Variants in TIAM1 observed in about 807,000 individuals in gnomAD.
TIAM1 encodes rho guanine nucleotide exchange factor TIAM1.
In TIAM1, 65 loss-of-function variants were observed where a neutral mutation model predicts 163.5. That is an observed-to-expected ratio of 0.40 (90% CI 0.33 to 0.49). TIAM1 has a LOEUF of 0.49. Ranked by LOEUF, TIAM1 falls within the 20% of genes least tolerant of loss-of-function variation. The pLI is 0.77. For synonymous variants in TIAM1, 833 were observed against 810.1 expected (o/e 1.03, Z -0.48); for missense variants, 1,789 against 2,044.7 (o/e 0.87, Z 2.41).
At chr21:31,362,909 A>G (rs781118390) in intron 2 of TIAM1, among the ~76,000 whole-genome samples, 3 of 151,964 alleles carry the variant, frequency 2.0e-5, no homozygotes, top group Admixed American at 2.0e-4. Context: ...GAGTTCTCTG[A>G]TGGGTATTTT....
chr21:31,537,727 G>A (rs1041324212), intron 1 of TIAM1, among the ~76,000 whole-genome samples: 5 of 151,810 alleles, frequency 3.3e-5, no homozygotes, highest in Non-Finnish European at 5.9e-5. Flanking sequence ...ACTCCAGCCT[G>A]GGCAACAGAG....
chr21:31,333,443 T>C (rs1371772893), intron 2 of TIAM1, among the ~76,000 whole-genome samples: 2 of 152,196 alleles, frequency 1.3e-5, no homozygotes, highest in African/African-American at 4.8e-5. Flanking sequence ...ACTCTCTTTT[T>C]GTTTTTTCTT....
intron 1 of TIAM1, among the ~76,000 whole-genome samples, chr21:31,553,622 G>A (rs1369820155): frequency 2.0e-5 from 3 of 152,164 alleles, no homozygotes; most frequent in African/African-American, 7.2e-5. Context: ...AGAGGGTTGG[G>A]TTGATAGAGA....
intron 4 of TIAM1, among the ~76,000 whole-genome samples, chr21:31,261,921 T>G (rs960350729): frequency 6.6e-6 from 1 of 152,112 alleles, no homozygotes; most frequent in Non-Finnish European, 1.5e-5. Context: ...CAGTACAACC[T>G]GGCCGTGTTC....
chr21:31,304,644 C>T (rs1601894099), intron 2 of TIAM1, among the ~76,000 whole-genome samples: 1 of 152,158 alleles, frequency 6.6e-6, no homozygotes, highest in South Asian at 2.1e-4. Context: ...CTTAGTAAAT[C>T]CTGACAACAG....
Position 31,219,486 on chromosome 21 carries a change from C to G in TIAM1, c.1996-1787G>C, listed in dbSNP as rs117490342. ...GCAGGGGATGAGGCACTGTTGGTAACATGAGGGGCCTCCCCAGCAGTCAGC... is the reference window on the plus strand; with the variant it reads ...GCAGGGGATGAGGCACTGTTGGTAAGATGAGGGGCCTCCCCAGCAGTCAGC... On this transcript the variant is annotated intron_variant, in intron 8 of 27. Transcript: ENST00000541036. Among the ~76,000 whole-genome samples, 693 of 152,318 alleles carry G rather than the reference C, an allele frequency of 4.5e-3. 2 individuals carry two copies. The highest frequency in any genetic ancestry group is 8.1e-3 in the Non-Finnish European group (548 of 68,038).
intron 2 of TIAM1, among the ~76,000 whole-genome samples, chr21:31,315,788 T>C (rs2075101842): frequency 1.3e-5 from 2 of 151,150 alleles, no homozygotes; most frequent in Non-Finnish European, 2.9e-5. Context: ...GAGGCCATCC[T>C]GGCCAACAGG....
At chr21:31,252,301 G>A in intron 4 of TIAM1, 112 bp from the exon 5 acceptor site, 4 of 1,183,210 alleles carry the variant, frequency 3.4e-6, no homozygotes, top group East Asian at 2.3e-5. Flanking sequence ...AGCGGGATAC[G>A]CATAAGGCAC....
At chr21:31,479,389 ATGG>A (rs2046034972) in intron 1 of TIAM1, among the ~76,000 whole-genome samples, 1 of 151,238 alleles carries the variant, frequency 6.6e-6, no homozygotes, top group Admixed American at 6.6e-5. Flanking sequence ...GGATGGATGG[ATGG>A]ATGGATGGAC....
chr21:31,210,755 AAAG>A, intron 10 of TIAM1, among the ~76,000 whole-genome samples: 1 of 97,456 alleles, frequency 1.0e-5, no homozygotes, highest in Non-Finnish European at 2.2e-5. Context: ...AGGGAGAAAG[AAAG>A]AAAGAAAGAA....
intron 2 of TIAM1, among the ~76,000 whole-genome samples, chr21:31,330,803 T>C (rs1484833869): frequency 6.6e-6 from 1 of 152,156 alleles, no homozygotes; most frequent in Non-Finnish European, 1.5e-5. Flanking sequence ...GACTTCATAC[T>C]CTCCAAGAAA....
At chr21:31,224,892 G>A (rs2087848985) in intron 7 of TIAM1, among the ~76,000 whole-genome samples, 1 of 152,116 alleles carries the variant, frequency 6.6e-6, no homozygotes, top group Non-Finnish European at 1.5e-5. Context: ...ACTGACAGCT[G>A]AATAGCAGGC....
At chr21:31,323,635 A>T (rs1259038778) in intron 2 of TIAM1, among the ~76,000 whole-genome samples, 1 of 141,110 alleles carries the variant, frequency 7.1e-6, no homozygotes, top group African/African-American at 2.8e-5. Flanking sequence ...GTTTGAGACC[A>T]GCCTGGCCAA....
rs115739105 is a variant in TIAM1 at position 31,235,261 on chromosome 21, A to C, written c.1585-9311T>G. ...AATAAGCAATATGAGCCTTCCTCCCAAAAAAAGGGGGCAGTCATTAACTAC... is the reference window on the plus strand; with the variant it reads ...AATAAGCAATATGAGCCTTCCTCCCCAAAAAAGGGGGCAGTCATTAACTAC... On this transcript the variant is annotated intron_variant, in intron 6 of 27. Coordinates refer to ENST00000541036, the MANE Select transcript of TIAM1 (RefSeq NM_001353694.2). 5.8e-3 allele frequency among the ~76,000 whole-genome samples: 886 copies of C among 152,188 alleles called. 10 individuals carry two copies. Among genetic ancestry groups the C allele is most frequent in the African/African-American group, 0.021 (855 of 41,498 alleles).
chr21:31,429,225 C>T (rs2043909832), intron 2 of TIAM1, among the ~76,000 whole-genome samples: 1 of 152,130 alleles, frequency 6.6e-6, no homozygotes, highest in Non-Finnish European at 1.5e-5. Flanking sequence ...TGGTCTCGAA[C>T]TCCTGGGCTC....
At chr21:31,466,667 G>A (rs1284421689) in intron 1 of TIAM1, among the ~76,000 whole-genome samples, 1 of 152,198 alleles carries the variant, frequency 6.6e-6, no homozygotes, top group African/African-American at 2.4e-5. Context: ...GAATCCAGAC[G>A]TCCTGGCCCG....
intron 1 of TIAM1, among the ~76,000 whole-genome samples, chr21:31,527,503 A>C (rs1301528769): frequency 1.3e-5 from 2 of 152,172 alleles, no homozygotes; most frequent in African/African-American, 4.8e-5. Flanking sequence ...GACAAAGATG[A>C]GTGAGACATT....
intron 1 of TIAM1, among the ~76,000 whole-genome samples, chr21:31,543,654 C>G (rs1443879502): frequency 2.0e-5 from 3 of 152,158 alleles, no homozygotes; most frequent in African/African-American, 7.2e-5. Context: ...ATAGAAATGT[C>G]CCAGATCTGG....
intron 2 of TIAM1, among the ~76,000 whole-genome samples, chr21:31,294,860 C>T (rs1417916975): frequency 1.3e-5 from 2 of 152,186 alleles, no homozygotes; most frequent in South Asian, 2.1e-4. Context: ...ACGGCCTGAA[C>T]GCATGTTGGC....
Sources: gnomAD v4.1 joint callset for allele counts (sites outside exome capture counted in the v4.1 genomes callset) on GRCh38, gnomAD v4.1.1 for gene constraint, MANE v1.5 for transcripts, NCBI Gene and HGNC (gene_info 2026-07-23, HGNC 2026-07-21) for gene names.